The following GRID1 variants were observed in gnomAD, a reference collection of about 807,000 sequenced individuals.
The protein encoded by GRID1 is glutamate ionotropic receptor delta type subunit 1, also known as glutamate receptor ionotropic, delta-1.
In GRID1, 28 loss-of-function variants were observed where a neutral mutation model predicts 98.0. The ratio of observed to expected loss-of-function variants is 0.29; its 90% CI spans 0.21 to 0.39. GRID1 has a LOEUF of 0.39. Ranked by LOEUF, GRID1 falls within the 10% of genes least tolerant of loss-of-function variation. The pLI, the probability that GRID1 is intolerant of heterozygous loss-of-function variation, is 1.00. For missense variants in GRID1, 1,111 were observed against 1,340.5 expected (o/e 0.83, Z 2.67); for synonymous variants, 553 against 538.5 (o/e 1.03, Z -0.37).
chr10:86,247,590 G>A (rs887718868), intron 2 of GRID1, among the ~76,000 whole-genome samples: 1 of 152,230 alleles, frequency 6.6e-6, no homozygotes, highest in Middle Eastern at 3.2e-3. Flanking sequence ...CAGAAGGCTA[G>A]AAGGAAAGGC....
intron 2 of GRID1, among the ~76,000 whole-genome samples, chr10:86,279,664 T>C (rs924601271): frequency 2.6e-5 from 4 of 152,242 alleles, no homozygotes; most frequent in Admixed American, 1.3e-4. Flanking sequence ...GTTGAAAGAC[T>C]GAATAGGATG....
At chr10:86,082,809 C>T (rs1843996003) in intron 4 of GRID1, among the ~76,000 whole-genome samples, 1 of 152,210 alleles carries the variant, frequency 6.6e-6, no homozygotes, top group South Asian at 2.1e-4. Context: ...GTCCCCTCTG[C>T]CTGCACTGTC....
chr10:85,925,178 C>A lies in GRID1; in HGVS notation c.727-8939G>T, dbSNP rs183416511. Among the ~76,000 whole-genome samples, 338 of 152,290 alleles carry A rather than the reference C, an allele frequency of 2.2e-3. 3 individuals are homozygous for A. Among genetic ancestry groups the A allele is most frequent in the African/African-American group, 7.6e-3 (316 of 41,556 alleles). On this transcript the variant is annotated intron_variant, in intron 4 of 15. Transcript: ENST00000327946. Reference sequence around the variant, plus strand: ...TAATCAATGGTCCATAATTTCCCTGCCACCTGGAGGGCACAGAAACCAAAT... The same window carrying A: ...TAATCAATGGTCCATAATTTCCCTGACACCTGGAGGGCACAGAAACCAAAT...
intron 2 of GRID1, among the ~76,000 whole-genome samples, chr10:86,332,396 G>A (rs1848157155): frequency 6.6e-6 from 1 of 152,098 alleles, no homozygotes; most frequent in Non-Finnish European, 1.5e-5. Context: ...TCTCCCTGCA[G>A]CTCAGAACGC....
At chr10:86,235,297 G>A (rs1846519856) in intron 2 of GRID1, among the ~76,000 whole-genome samples, 1 of 152,202 alleles carries the variant, frequency 6.6e-6, no homozygotes, top group South Asian at 2.1e-4. Flanking sequence ...CTGGCAGTGT[G>A]GACCACAGAC....
At chr10:86,006,899 G>A (rs1180040206) in intron 4 of GRID1, among the ~76,000 whole-genome samples, 1 of 152,072 alleles carries the variant, frequency 6.6e-6, no homozygotes, top group African/African-American at 2.4e-5. Flanking sequence ...GGGGAAGCTG[G>A]CGGTGGTGGG....
chr10:85,632,276 C>T (rs1174006402), intron 13 of GRID1, among the ~76,000 whole-genome samples: 2 of 152,164 alleles, frequency 1.3e-5, no homozygotes, highest in Non-Finnish European at 2.9e-5. Flanking sequence ...CATCAATGGG[C>T]ACCCTTGGCC....
At chr10:86,167,471 C>T (rs1845416944) in intron 3 of GRID1, among the ~76,000 whole-genome samples, 1 of 152,186 alleles carries the variant, frequency 6.6e-6, no homozygotes, top group Admixed American at 6.5e-5. Flanking sequence ...GACACCCTGC[C>T]CCTGGCTGTT....
chr10:85,838,411 G>A (rs1842930892), intron 8 of GRID1, among the ~76,000 whole-genome samples: 1 of 151,998 alleles, frequency 6.6e-6, no homozygotes, highest in African/African-American at 2.4e-5. Context: ...GTAGCTAGAG[G>A]AACAGACCAG....
At chr10:85,878,767 A>G (rs1183188999) in intron 5 of GRID1, among the ~76,000 whole-genome samples, 5 of 151,998 alleles carry the variant, frequency 3.3e-5, no homozygotes, top group Admixed American at 2.0e-4. Flanking sequence ...TTCACACATA[A>G]CAATATTAAC....
At chr10:86,162,205 G>GGT (rs1427194038) in intron 3 of GRID1, among the ~76,000 whole-genome samples, 13 of 152,154 alleles carry the variant, frequency 8.5e-5, no homozygotes, top group Admixed American at 6.5e-5. Flanking sequence ...TTGGGTGGGT[G>GGT]GTGTCCCAGG....
At chr10:86,201,664 G>A (rs1239477429) in intron 3 of GRID1, among the ~76,000 whole-genome samples, 1 of 149,554 alleles carries the variant, frequency 6.7e-6, no homozygotes, top group Non-Finnish European at 1.5e-5. Flanking sequence ...TAACAAACTT[G>A]CACTTGTACC....
chr10:85,778,313 G>A (rs772772388), intron 8 of GRID1, among the ~76,000 whole-genome samples: 1 of 152,100 alleles, frequency 6.6e-6, no homozygotes, highest in Non-Finnish European at 1.5e-5. Context: ...GACAAGGTGA[G>A]GAACAGGTGG....
intron 15 of GRID1, among the ~76,000 whole-genome samples, chr10:85,607,637 G>A (rs1842686190): frequency 6.6e-6 from 1 of 152,006 alleles, no homozygotes; most frequent in Non-Finnish European, 1.5e-5. Context: ...GGCAATGAGA[G>A]CGAACCGACA....
chr10:85,738,802 A>G (rs567703028), intron 8 of GRID1, among the ~76,000 whole-genome samples: 2 of 152,324 alleles, frequency 1.3e-5, no homozygotes, highest in East Asian at 1.9e-4. Context: ...AGGCAATATT[A>G]TAGGTACTGA....
intron 3 of GRID1, among the ~76,000 whole-genome samples, chr10:86,201,695 T>TAAAAAAAAA (rs10685803): frequency 7.1e-6 from 1 of 141,472 alleles, no homozygotes; most frequent in Non-Finnish European, 1.5e-5. Flanking sequence ...AAATAAAAGT[T>TAAAAAAAAA]AAAAAAAAAA....
chr10:85,660,828 T>A (rs1840957594), intron 12 of GRID1, among the ~76,000 whole-genome samples: 1 of 151,696 alleles, frequency 6.6e-6, no homozygotes, highest in Admixed American at 6.6e-5. Context: ...AGGGAAGGAG[T>A]TCAGAACCTA....
chr10:86,034,853 GAT>G (rs1208107901), intron 4 of GRID1, among the ~76,000 whole-genome samples: 1 of 151,832 alleles, frequency 6.6e-6, no homozygotes, highest in African/African-American at 2.4e-5. Context: ...TGAATGGACA[GAT>G]CAATGGGTTG....
intron 2 of GRID1, among the ~76,000 whole-genome samples, chr10:86,330,668 C>T (rs1848126429): frequency 6.6e-6 from 1 of 152,230 alleles, no homozygotes; most frequent in African/African-American, 2.4e-5. Flanking sequence ...TTGTGTGAGG[C>T]CACATAGCCA....
Sources: gnomAD v4.1 joint callset for allele counts (sites outside exome capture counted in the v4.1 genomes callset) on GRCh38, gnomAD v4.1.1 for gene constraint, MANE v1.5 for transcripts, NCBI Gene and HGNC (gene_info 2026-07-23, HGNC 2026-07-21) for gene names.